CHURC1: variants seen among roughly 807,000 people sequenced by gnomAD.
The protein encoded by CHURC1 is churchill domain containing 1.
In CHURC1, 12 loss-of-function variants were observed where a neutral mutation model predicts 15.4. The observed-to-expected ratio is 0.78, with a 90% CI of 0.50 to 1.27. The LOEUF is 1.27. CHURC1 is among the 50% of genes most tolerant of loss of function. The pLI, the probability that CHURC1 is intolerant of heterozygous loss-of-function variation, is 0.00. For missense variants in CHURC1, 132 were observed against 137.8 expected (o/e 0.96, Z 0.21); for synonymous variants, 42 against 47.5 (o/e 0.88, Z 0.48).
At chr14:64,929,949 AC>A (rs1473305940) in intron 3 of CHURC1, among the ~76,000 whole-genome samples, 2 of 140,526 alleles carry the variant, frequency 1.4e-5, no homozygotes, top group African/African-American at 5.6e-5. Flanking sequence ...GCCCCCCCCC[AC>A]ACACACACCA....
At chr14:64,922,304 C>T (rs1884358731) in intron 1 of CHURC1, among the ~76,000 whole-genome samples, 1 of 151,888 alleles carries the variant, frequency 6.6e-6, no homozygotes, top group South Asian at 2.1e-4. Flanking sequence ...AAAGGCTGGG[C>T]ACAGTGGCTC....
intron 2 of CHURC1, among the ~76,000 whole-genome samples, chr14:64,925,487 A>G (rs769253196): frequency 3.3e-5 from 5 of 152,118 alleles, no homozygotes; most frequent in Non-Finnish European, 5.9e-5. Flanking sequence ...AGCCTGCTCA[A>G]CATAGTGAGA....
rs184075187 is a variant in CHURC1 at position 64,931,887 on chromosome 14, C to A, written c.247-251C>A. On this transcript the variant is annotated intron_variant, in intron 3 of 3. Transcript: ENST00000549115. ...CTTCATTACTTTAAATAGCACTAAG[C>A]TAAATATATGTGCTTTCTGAGAAAT... 6.0e-3 allele frequency among the ~76,000 whole-genome samples: 916 copies of A among 152,302 alleles called. 10 individuals carry two copies. Among genetic ancestry groups the A allele is most frequent in the Non-Finnish European group, 7.6e-3 (518 of 68,028 alleles).
At chr14:64,920,620 C>T (rs568058869) in intron 1 of CHURC1, among the ~76,000 whole-genome samples, 1 of 152,328 alleles carries the variant, frequency 6.6e-6, no homozygotes, top group South Asian at 2.1e-4. Context: ...AGATACTTCT[C>T]TTCCTTCAGT....
rs768902938 is a variant in CHURC1 at position 64,914,478 on chromosome 14, C to T, written c.-18C>T. On this transcript the variant is annotated 5_prime_UTR_variant, in exon 1 of 4. Coordinates refer to ENST00000549115, the MANE Select transcript of CHURC1 (RefSeq NM_001386928.1). ...TTCCCGGAAGCGTTGGAGGACATTC[C>T]CTGTTGACTGCGTCGCGATGTGTGG... The T allele has an allele frequency of 3.1e-6, 5 of 1,614,250 alleles. No homozygotes were observed. Among genetic ancestry groups the T allele is most frequent in the Non-Finnish European group, 3.4e-6 (4 of 1,180,042 alleles).
chr14:64,922,457 A>G (rs1048367916), intron 1 of CHURC1, among the ~76,000 whole-genome samples: 9 of 151,874 alleles, frequency 5.9e-5, no homozygotes, highest in East Asian at 1.9e-4. Context: ...GGGCACCTGT[A>G]GTCCCAGCTA....
chr14:64,917,590 C>A (rs576064103), intron 1 of CHURC1, among the ~76,000 whole-genome samples: 3 of 151,758 alleles, frequency 2.0e-5, no homozygotes, highest in South Asian at 2.1e-4. Flanking sequence ...CAAAAAAAAA[C>A]CACCACAAAT....
chr14:64,916,145 A>C (rs1193118370), intron 1 of CHURC1, among the ~76,000 whole-genome samples: 1 of 152,256 alleles, frequency 6.6e-6, no homozygotes, highest in Non-Finnish European at 1.5e-5. Flanking sequence ...CAGCAGCCTG[A>C]AAAGTCTTAC....
At chr14:64,924,198 A>T in intron 2 of CHURC1, 72 bp downstream of exon 2, 1 of 1,474,502 alleles carries the variant, frequency 6.8e-7, no homozygotes, top group East Asian at 2.4e-5. Flanking sequence ...ATGTTACACA[A>T]AATATTCTGA....
At position 64,934,181 on chromosome 14, in the gene CHURC1, A is replaced by G. The variant is rs1885219508; in HGVS notation, c.*1951A>G. On this transcript the variant is annotated 3_prime_UTR_variant, in exon 4 of 4. Transcript: ENST00000549115. ...AACATGGTGCAACCTCGTCTTTACTAAAAATACAAAAACAAAAATTAGCCA... is the reference window on the plus strand; with the variant it reads ...AACATGGTGCAACCTCGTCTTTACTGAAAATACAAAAACAAAAATTAGCCA... 1 of 493,846 alleles carries G rather than the reference A, an allele frequency of 2.0e-6. No individual in the cohort carries two copies. The highest frequency in any genetic ancestry group is 2.6e-6 in the Non-Finnish European group (1 of 381,352). 30.6% of individuals were successfully genotyped at this position (493,846 alleles called of 1,614,324 possible).
intron 1 of CHURC1, among the ~76,000 whole-genome samples, chr14:64,916,351 A>G (rs1594887184): frequency 6.6e-6 from 1 of 152,188 alleles, no homozygotes; most frequent in Non-Finnish European, 1.5e-5. Flanking sequence ...CCCGGGTGCA[A>G]GCAGTGTTTT....
chr14:64,914,930 T>C (rs915574032), intron 1 of CHURC1, among the ~76,000 whole-genome samples: 1 of 152,236 alleles, frequency 6.6e-6, no homozygotes, highest in Non-Finnish European at 1.5e-5. Context: ...CTAACACTTT[T>C]GCAGATGAAG....
In CHURC1 at chr14:64,933,517, T is replaced by C. The variant is rs974206353; in HGVS notation, c.*1287T>C. 8 of 982,982 alleles carry C rather than the reference T, an allele frequency of 8.1e-6. No homozygotes were observed. Among genetic ancestry groups the C allele is most frequent in the Non-Finnish European group, 1.2e-6 (1 of 827,794 alleles). The allele number at this position is 982,982 out of a possible 1,614,324, so 60.9% of individuals were successfully genotyped here. A position where few individuals can be genotyped will look rare whatever the true frequency, so the allele number is the denominator to read the frequency against. On this transcript the variant is annotated 3_prime_UTR_variant, in exon 4 of 4. Transcript: ENST00000549115. The stretch of plus-strand genomic sequence containing the variant: ...TTAAGCAAAGCATTACTCTGGACTT[T>C]ATTGTCCTGTTTCTATCAAATTGGA...
At chr14:64,927,661 G>A (rs1207861731) in intron 3 of CHURC1, among the ~76,000 whole-genome samples, 1 of 151,386 alleles carries the variant, frequency 6.6e-6, no homozygotes, top group East Asian at 1.9e-4. Context: ...CTATGAAATG[G>A]TGGTGAAAAT....
At position 64,933,952 on chromosome 14, in the gene CHURC1, T is replaced by C. The variant is rs1279273435; in HGVS notation, c.*1722T>C. The C allele has an allele frequency of 7.1e-6, 7 of 985,466 alleles. No individual in the cohort carries two copies. Among genetic ancestry groups the C allele is most frequent in the Non-Finnish European group, 8.4e-6 (7 of 829,928 alleles). 61.0% of individuals were successfully genotyped at this position (985,466 alleles called of 1,614,324 possible). Reference sequence around the variant, plus strand: ...TTGATAGTTTAGCCATAACCAGATATGGCTTGTTATTTGTAAGTTATCATG... The same window carrying C: ...TTGATAGTTTAGCCATAACCAGATACGGCTTGTTATTTGTAAGTTATCATG... On this transcript the variant is annotated 3_prime_UTR_variant, in exon 4 of 4. Transcript: ENST00000549115.
chr14:64,934,432 C>T lies in CHURC1; in HGVS notation c.*2202C>T. On this transcript the variant is annotated 3_prime_UTR_variant, in exon 4 of 4. Coordinates refer to ENST00000549115, the MANE Select transcript of CHURC1 (RefSeq NM_001386928.1). ...CACACAGCTAGTGCAGTTACCCCCT[C>T]TCAGTAATTATGTTTGGCAAATATG... 2.5e-5 allele frequency: 25 copies of T among 985,214 alleles called. No individual in the cohort carries two copies. The highest frequency in any genetic ancestry group is 2.9e-5 in the Non-Finnish European group (24 of 829,752). The allele number at this position is 985,214 out of a possible 1,614,324, so 61.0% of individuals were successfully genotyped here. A position where few individuals can be genotyped will look rare whatever the true frequency, so the allele number is the denominator to read the frequency against.
chr14:64,933,445 A>G lies in CHURC1; in HGVS notation c.*1215A>G. The G allele has an allele frequency of 1.0e-6, 1 of 985,488 alleles. No individual in the cohort carries two copies. Among genetic ancestry groups the G allele is most frequent in the African/African-American group, 1.7e-5 (1 of 57,376 alleles). 61.0% of individuals were successfully genotyped at this position (985,488 alleles called of 1,614,324 possible). A position where few individuals can be genotyped will look rare whatever the true frequency, so the allele number is the denominator to read the frequency against. ...TTTCATGAGCACTGGCCAGGAGGTT[A>G]TAAACTGGCATTTAGGCCTCTCTGC... is the stretch of plus-strand genomic sequence containing the variant. On this transcript the variant is annotated 3_prime_UTR_variant, in exon 4 of 4. Transcript: ENST00000549115.
intron 3 of CHURC1, among the ~76,000 whole-genome samples, chr14:64,928,260 T>G (rs1432264989): frequency 6.6e-6 from 1 of 152,210 alleles, no homozygotes; most frequent in Non-Finnish European, 1.5e-5. Context: ...AGGTTGTTTG[T>G]TTGTTGCAAC....
At chr14:64,921,622 C>T (rs1038982513) in intron 1 of CHURC1, among the ~76,000 whole-genome samples, 4 of 152,156 alleles carry the variant, frequency 2.6e-5, no homozygotes, top group African/African-American at 9.7e-5. Context: ...TACCACTTTA[C>T]GTCACTGAAT....
Sources: allele counts gnomAD v4.1 joint callset (sites outside exome capture counted in the v4.1 genomes callset), GRCh38; gene constraint gnomAD v4.1.1; transcripts MANE v1.5; gene names NCBI Gene and HGNC (gene_info 2026-07-23, HGNC 2026-07-21).